ADAM23: variants seen among roughly 807,000 people sequenced by gnomAD.
The protein encoded by ADAM23 is ADAM metallopeptidase domain 23, also known as disintegrin and metalloproteinase domain-containing protein 23.
Under a neutral mutation model 120.1 loss-of-function variants are expected in ADAM23, and 33 were observed. The observed-to-expected ratio is 0.27, with a 90% CI of 0.21 to 0.37. The LOEUF (loss-of-function observed/expected upper bound fraction) is 0.37. Among genes scored for constraint, ADAM23 ranks in the 10% least tolerant of loss-of-function variants. The pLI, the probability that ADAM23 is intolerant of heterozygous loss-of-function variation, is 1.00. For synonymous variants in ADAM23, 367 were observed against 375.2 expected (o/e 0.98, Z 0.25); for missense variants, 862 against 1,058.2 (o/e 0.81, Z 2.57).
At chr2:206,508,154 C>T (rs959948329) in intron 3 of ADAM23, among the ~76,000 whole-genome samples, 3 of 152,178 alleles carry the variant, frequency 2.0e-5, no homozygotes, top group Middle Eastern at 3.4e-3. Context: ...CTCAGCCTCC[C>T]GAGTAGCTGG....
At chr2:206,509,169 T>G (rs1012258801) in intron 3 of ADAM23, among the ~76,000 whole-genome samples, 1 of 152,206 alleles carries the variant, frequency 6.6e-6, no homozygotes, top group South Asian at 2.1e-4. Flanking sequence ...TGTAAAGAGA[T>G]AATGTTTTTG....
intron 3 of ADAM23, among the ~76,000 whole-genome samples, chr2:206,504,142 A>G (rs1383316195): frequency 1.3e-5 from 2 of 152,186 alleles, no homozygotes; most frequent in East Asian, 3.8e-4. Context: ...ATCTTTATAT[A>G]TCTTTAATAC....
chr2:206,538,912 C>T (rs900751722), intron 4 of ADAM23, among the ~76,000 whole-genome samples: 2 of 152,174 alleles, frequency 1.3e-5, no homozygotes, highest in African/African-American at 4.8e-5. Flanking sequence ...TGATGCCTGT[C>T]CAGTTCCTGT....
At position 206,565,119 on chromosome 2, in the gene ADAM23, T is replaced by C. The variant is rs556155014; in HGVS notation, c.1394+51T>C. 1.3e-5 allele frequency: 21 copies of C among 1,575,596 alleles called. No homozygotes were observed. In the East Asian group the frequency reaches 4.7e-4, roughly 35 times the overall value. On this transcript the variant is annotated intron_variant, in intron 14 of 25. Coordinates refer to ENST00000264377, the MANE Select transcript of ADAM23 (RefSeq NM_003812.4). ...GATATATGCCTTTTGCTAAAATTGC[T>C]GTGTAGAGTTAGAAACAAGGTCTCT...
chr2:206,532,562 C>G (rs1159849674), intron 4 of ADAM23, among the ~76,000 whole-genome samples: 1 of 152,134 alleles, frequency 6.6e-6, no homozygotes, highest in Admixed American at 6.6e-5. Context: ...TATACCCAAA[C>G]TTACGTGCTT....
chr2:206,546,222 T>C (rs1697393552), intron 6 of ADAM23, among the ~76,000 whole-genome samples: 1 of 152,188 alleles, frequency 6.6e-6, no homozygotes, highest in African/African-American at 2.4e-5. Flanking sequence ...AGGAAAGGAA[T>C]AGTGCTTTAA....
chr2:206,502,723 C>T (rs183120058), intron 3 of ADAM23, among the ~76,000 whole-genome samples: 4 of 152,208 alleles, frequency 2.6e-5, no homozygotes, highest in African/African-American at 9.6e-5. Flanking sequence ...GCAACCAACC[C>T]GATGTGTTTT....
intron 25 of ADAM23, among the ~76,000 whole-genome samples, chr2:206,616,016 A>G (rs1398468867): frequency 3.3e-5 from 5 of 152,298 alleles, no homozygotes; most frequent in African/African-American, 4.8e-5. Context: ...ATTTAGTTTA[A>G]CATTTATCTT....
At chr2:206,564,173 C>CCT (rs1206593538) in intron 13 of ADAM23, among the ~76,000 whole-genome samples, 3 of 151,736 alleles carry the variant, frequency 2.0e-5, no homozygotes, top group Admixed American at 6.6e-5. Context: ...TAGATGTATA[C>CCT]CTCTCTCTAT....
intron 18 of ADAM23, among the ~76,000 whole-genome samples, chr2:206,573,577 A>G (rs578023405): frequency 1.3e-5 from 2 of 152,234 alleles, no homozygotes; most frequent in South Asian, 4.2e-4. Flanking sequence ...TATGCTACCA[A>G]TAGGCAATTA....
At chr2:206,584,979 C>T (rs533003868) in intron 18 of ADAM23, among the ~76,000 whole-genome samples, 45 of 152,244 alleles carry the variant, frequency 3.0e-4, no homozygotes, top group Non-Finnish European at 2.9e-4. Context: ...CAGGTAAAGT[C>T]GGAAACTTTT....
At chr2:206,605,676 A>C in intron 24 of ADAM23, 1 of 656,486 alleles carries the variant, frequency 1.5e-6, no homozygotes, top group Non-Finnish European at 2.7e-6. Flanking sequence ...TATAGCAAAA[A>C]AATTCAATAT....
In ADAM23 at chr2:206,594,849, C is replaced by G; in HGVS notation, c.2191C>G (p.Leu731Val). 6.2e-7 allele frequency: 1 copy of G among 1,614,144 alleles called. No individual in the cohort carries two copies. The highest frequency in any genetic ancestry group is 8.5e-7 in the Non-Finnish European group (1 of 1,180,020). The change falls in exon 23 of 26, where the codon CTA becomes GTA. Residue 731 changes from leucine to valine, a missense_variant. Coordinates refer to ENST00000264377, the MANE Select transcript of ADAM23 (RefSeq NM_003812.4). ...LDRKCLQIQA[L>V]NMSSCPLDSK... ...TCGGAAGTGCCTACAAATTCAAGCC[C>G]TAAATATGAGCAGCTGTCCACTCGA...
intron 18 of ADAM23, among the ~76,000 whole-genome samples, chr2:206,577,349 T>C (rs1698134420): frequency 6.8e-6 from 1 of 147,334 alleles, no homozygotes; most frequent in South Asian, 2.2e-4. Context: ...GCCATGCTGG[T>C]GCGCTGCACC....
At chr2:206,524,496 A>C (rs910446603) in intron 3 of ADAM23, among the ~76,000 whole-genome samples, 30 of 152,204 alleles carry the variant, frequency 2.0e-4, no homozygotes, top group African/African-American at 6.3e-4. Context: ...GTATTAGTCC[A>C]TTTTCACTCT....
At chr2:206,456,492 A>T (rs1037538650) in intron 2 of ADAM23, among the ~76,000 whole-genome samples, 3 of 152,204 alleles carry the variant, frequency 2.0e-5, no homozygotes, top group Non-Finnish European at 4.4e-5. Flanking sequence ...CCCATGATCC[A>T]GTCACTTCCC....
intron 3 of ADAM23, among the ~76,000 whole-genome samples, chr2:206,496,651 C>G (rs1483715521): frequency 6.6e-6 from 1 of 152,134 alleles, no homozygotes; most frequent in Non-Finnish European, 1.5e-5. Flanking sequence ...TAACTAAGAT[C>G]AGAGCACAAC....
At chr2:206,444,797 A>G (rs943915793) in intron 1 of ADAM23, among the ~76,000 whole-genome samples, 2 of 152,214 alleles carry the variant, frequency 1.3e-5, no homozygotes, top group Admixed American at 6.5e-5. Context: ...GGAATTGTCC[A>G]TTTTGTTAAA....
At chr2:206,473,599 T>TAATAATAATAATAACAAC (rs545339986) in intron 2 of ADAM23, among the ~76,000 whole-genome samples, 1 of 148,504 alleles carries the variant, frequency 6.7e-6, no homozygotes, top group Non-Finnish European at 1.5e-5. Context: ...ATAATAATAA[T>TAATAATAATAATAACAAC]AACAACAACA....
Sources: allele counts gnomAD v4.1 joint callset (sites outside exome capture counted in the v4.1 genomes callset), GRCh38; gene constraint gnomAD v4.1.1; transcripts MANE v1.5; gene names NCBI Gene and HGNC (gene_info 2026-07-23, HGNC 2026-07-21).